Variants in PCP4L1 observed in about 807,000 individuals in gnomAD.
PCP4L1 encodes the protein Purkinje cell protein 4-like protein 1.
A neutral mutation model predicts 9.6 loss-of-function variants in PCP4L1; 9 were observed. The ratio of observed to expected loss-of-function variants is 0.94; its 90% CI spans 0.57 to 1.64. The LOEUF (loss-of-function observed/expected upper bound fraction) is 1.64. PCP4L1 is among the 40% of genes most tolerant of loss of function. PCP4L1 has a pLI of 0.00. For synonymous variants in PCP4L1, 31 were observed against 28.2 expected (o/e 1.10, Z -0.31); for missense variants, 81 against 80.8 (o/e 1.00, Z -0.01).
chr1:161,279,699 A>G (rs1459363768), intron 1 of PCP4L1, among the ~76,000 whole-genome samples: 1 of 152,278 alleles, frequency 6.6e-6, no homozygotes, highest in Non-Finnish European at 1.5e-5. Context: ...TAAAGTACTT[A>G]AAATTGTGAG....
chr1:161,267,793 A>C (rs1052337058), intron 1 of PCP4L1, among the ~76,000 whole-genome samples: 2 of 151,980 alleles, frequency 1.3e-5, no homozygotes, highest in Admixed American at 1.3e-4. Flanking sequence ...GCTCACCGTG[A>C]CCTCTGCCTC....
chr1:161,284,318 G>T (rs770471688), intron 2 of PCP4L1, 21 bp from the exon 3 acceptor site: 6 of 1,613,956 alleles, frequency 3.7e-6, no homozygotes, highest in Non-Finnish European at 5.1e-6. Flanking sequence ...ACTCATTAAT[G>T]AGTCTCCCAA....
chr1:161,270,569 CA>C (rs10530356), intron 1 of PCP4L1, among the ~76,000 whole-genome samples: 21 of 116,566 alleles, frequency 1.8e-4, no homozygotes, highest in Non-Finnish European at 1.7e-4. Flanking sequence ...ACCCCAGGCT[CA>C]AAAAAAAAAA....
At chr1:161,277,253 G>A (rs926747549) in intron 1 of PCP4L1, among the ~76,000 whole-genome samples, 3 of 152,136 alleles carry the variant, frequency 2.0e-5, no homozygotes, top group Non-Finnish European at 2.9e-5. Context: ...ACATATCCAC[G>A]TCTTCCACTT....
intron 1 of PCP4L1, among the ~76,000 whole-genome samples, chr1:161,266,210 C>T (rs942361499): frequency 2.0e-5 from 3 of 152,150 alleles, no homozygotes; most frequent in Admixed American, 6.6e-5. Context: ...GTACATTTAT[C>T]GTTCTGTTGT....
chr1:161,266,107 A>T (rs1490578757), intron 1 of PCP4L1, among the ~76,000 whole-genome samples: 1 of 151,914 alleles, frequency 6.6e-6, no homozygotes, highest in Non-Finnish European at 1.5e-5. Context: ...AGAAATCTAG[A>T]CCTTGTCACA....
intron 1 of PCP4L1, among the ~76,000 whole-genome samples, chr1:161,270,023 G>C (rs187523908): frequency 6.6e-6 from 1 of 150,876 alleles, no homozygotes; most frequent in East Asian, 2.0e-4. Context: ...AGGACTGGGC[G>C]TGGTGGCTCA....
intron 1 of PCP4L1, among the ~76,000 whole-genome samples, chr1:161,281,250 CAG>C (rs1236655770): frequency 4.9e-4 from 74 of 152,232 alleles, no homozygotes; most frequent in African/African-American, 1.7e-3. Context: ...TCTTTCTACA[CAG>C]ACACAGCAAC....
At position 161,283,871 on chromosome 1, in the gene PCP4L1, A is replaced by G. The variant is rs1669863549; in HGVS notation, c.64+149A>G. 1.2e-5 allele frequency: 9 copies of G among 754,706 alleles called. No individual in the cohort carries two copies. The Admixed American group carries it at 1.7e-4, about 15-fold the overall frequency. The allele number at this position is 754,706 out of a possible 1,614,324, so 46.8% of individuals were successfully genotyped here. A position where few individuals can be genotyped will look rare whatever the true frequency, so the allele number is the denominator to read the frequency against. On this transcript the variant is annotated intron_variant, in intron 2 of 2. Coordinates refer to ENST00000504449, the MANE Select transcript of PCP4L1 (RefSeq NM_001102566.2). ...CAAAGTACCAGTTTGGAACTACAGTACTATATCTATAGGCTTCCTTCTATT... is the reference window on the plus strand; with the variant it reads ...CAAAGTACCAGTTTGGAACTACAGTGCTATATCTATAGGCTTCCTTCTATT...
chr1:161,258,893 T>C lies in PCP4L1; in HGVS notation c.-82T>C. On this transcript the variant is annotated 5_prime_UTR_variant, in exon 1 of 3. Transcript: ENST00000504449. ...CCCCTGCCGCAGAGCCCGGCAACTT[T>C]CAGCTGTCGCCCGCGGAGCCCCGAG... is the stretch of plus-strand genomic sequence containing the variant. 2.0e-6 allele frequency: 3 copies of C among 1,531,680 alleles called. No homozygotes were observed. The highest frequency in any genetic ancestry group is 2.6e-6 in the Non-Finnish European group (3 of 1,143,210). The allele number at this position is 1,531,680 out of a possible 1,614,324, so 94.9% of individuals were successfully genotyped here.
chr1:161,266,696 T>C (rs2501877), intron 1 of PCP4L1, among the ~76,000 whole-genome samples: 2,955 of 152,184 alleles, frequency 0.019, 96 homozygotes, highest in African/African-American at 0.066. Flanking sequence ...GGGGAAATAG[T>C]ATATATATTA....
chr1:161,276,409 G>A (rs990000756), intron 1 of PCP4L1, among the ~76,000 whole-genome samples: 3 of 152,134 alleles, frequency 2.0e-5, no homozygotes, highest in Non-Finnish European at 2.9e-5. Context: ...TGGGCCTGGC[G>A]TGGTGGCTTG....
At chr1:161,271,594 C>G (rs1669626625) in intron 1 of PCP4L1, among the ~76,000 whole-genome samples, 1 of 152,006 alleles carries the variant, frequency 6.6e-6, no homozygotes, top group Non-Finnish European at 1.5e-5. Context: ...ACCTCTGCCT[C>G]CAGGGTTAAA....
At position 161,258,754 on chromosome 1, in the gene PCP4L1, T is replaced by C. The variant is rs559790651; in HGVS notation, c.-221T>C. 1.0e-5 allele frequency: 7 copies of C among 682,260 alleles called. No individual in the cohort carries two copies. In the South Asian group the frequency reaches 1.1e-4, roughly 10 times the overall value. The allele number at this position is 682,260 out of a possible 1,614,324, so 42.3% of individuals were successfully genotyped here. On this transcript the variant is annotated 5_prime_UTR_variant, in exon 1 of 3. Transcript: ENST00000504449. ...CCGGAGGCGGCGAGCTGAGCGGCTC[T>C]GACAGGACGGGTCGCAGGGGGTCGC...
rs962051045 is a variant in PCP4L1 at position 161,275,511 on chromosome 1, G to A, written c.10-8157G>A. 2.3e-4 allele frequency among the ~76,000 whole-genome samples: 16 copies of A among 69,156 alleles called. No individual in the cohort carries two copies. In the Middle Eastern group the frequency reaches 0.027, roughly 117 times the overall value. 45.4% of individuals were successfully genotyped at this position (69,156 alleles called of 152,430 possible). A position where few individuals can be genotyped will look rare whatever the true frequency, so the allele number is the denominator to read the frequency against. On this transcript the variant is annotated intron_variant, in intron 1 of 2. Transcript: ENST00000504449. ...AGTCTGGGCGACAGAGCAAGACTCC[G>A]TCTCAAAAAAAAAAAAAAAAAAAGA...
At chr1:161,269,106 G>T (rs540425010) in intron 1 of PCP4L1, among the ~76,000 whole-genome samples, 4 of 151,834 alleles carry the variant, frequency 2.6e-5, no homozygotes, top group Non-Finnish European at 5.9e-5. Context: ...TAATGGTAAG[G>T]CCTAAGCAAA....
At chr1:161,275,693 G>A (rs1046174798) in intron 1 of PCP4L1, among the ~76,000 whole-genome samples, 3 of 151,926 alleles carry the variant, frequency 2.0e-5, no homozygotes, top group Admixed American at 6.6e-5. Context: ...AGGATTTGAA[G>A]TCAGAGATCA....
At chr1:161,281,610 A>T (rs1438445390) in intron 1 of PCP4L1, among the ~76,000 whole-genome samples, 2 of 140,894 alleles carry the variant, frequency 1.4e-5, no homozygotes, top group African/African-American at 5.5e-5. Context: ...GAGGGGGCTG[A>T]CCCCCACCTC....
At chr1:161,263,273 T>A (rs1669451477) in intron 1 of PCP4L1, among the ~76,000 whole-genome samples, 1 of 152,192 alleles carries the variant, frequency 6.6e-6, no homozygotes, top group African/African-American at 2.4e-5. Flanking sequence ...CTTGCACTGT[T>A]GCCAGGGCTG....
Sources: gnomAD v4.1 joint callset for allele counts (sites outside exome capture counted in the v4.1 genomes callset) on GRCh38, gnomAD v4.1.1 for gene constraint, MANE v1.5 for transcripts, NCBI Gene and HGNC (gene_info 2026-07-23, HGNC 2026-07-21) for gene names.